Variants in DRC11 observed in about 807,000 individuals in gnomAD.
The protein encoded by DRC11 is IQ and AAA domain-containing protein 1.
chr2:236,307,948 CACAAGCGTCCTCGTGTGCTT>C, the DRC11 span, among the ~76,000 whole-genome samples: 1 of 146,106 alleles, frequency 6.8e-6, no homozygotes, highest in African/African-American at 2.8e-5. This position sits in a 1 kb window ranked among gnomAD's most constrained non-coding sequence, Gnocchi z 7.0. Context: ...CTTGCAGTGA[CACAAGCGTCCTCGTGTGCTT>C]GCAGTGACAC....
chr2:236,489,353 G>A, the DRC11 span, among the ~76,000 whole-genome samples: 2 of 145,906 alleles, frequency 1.4e-5, no homozygotes, highest in Non-Finnish European at 3.0e-5. Context: ...TGTGGGCTCC[G>A]GGTACATGCT....
At chr2:236,357,041 A>G in the DRC11 span, among the ~76,000 whole-genome samples, 2,961 of 62,638 alleles carry the variant, frequency 0.047, 368 homozygotes, top group Non-Finnish European at 0.065. Context: ...TTATATATTC[A>G]TATATTATAT....
the DRC11 span, among the ~76,000 whole-genome samples, chr2:236,361,755 C>T: frequency 6.6e-6 from 1 of 152,096 alleles, no homozygotes; most frequent in Non-Finnish European, 1.5e-5. The surrounding 1 kb of genome is among the most constrained non-coding windows in gnomAD (Gnocchi z 5.7). Flanking sequence ...AGACTGAACT[C>T]AATCATCTAA....
At chr2:236,461,022 T>C in the DRC11 span, among the ~76,000 whole-genome samples, 3 of 152,040 alleles carry the variant, frequency 2.0e-5, no homozygotes, top group African/African-American at 7.3e-5. This position sits in a 1 kb window ranked among gnomAD's most constrained non-coding sequence, Gnocchi z 4.0. Flanking sequence ...TCTCAAAGTA[T>C]AGGGATTACA....
chr2:236,439,752 T>C, the DRC11 span, among the ~76,000 whole-genome samples: 3 of 152,326 alleles, frequency 2.0e-5, no homozygotes, highest in African/African-American at 7.2e-5. Context: ...TATTCACCAA[T>C]CGTTCTGATA....
chr2:236,482,812 AC>A, the DRC11 span, among the ~76,000 whole-genome samples: 2 of 152,202 alleles, frequency 1.3e-5, no homozygotes, highest in African/African-American at 4.8e-5. This position sits in a 1 kb window ranked among gnomAD's most constrained non-coding sequence, Gnocchi z 4.5. Flanking sequence ...TGTATTTTTG[AC>A]CACTAGCTAA....
At chr2:236,375,106 C>T in the DRC11 span, among the ~76,000 whole-genome samples, 12 of 152,088 alleles carry the variant, frequency 7.9e-5, no homozygotes, top group African/African-American at 2.2e-4. This position sits in a 1 kb window ranked among gnomAD's most constrained non-coding sequence, Gnocchi z 4.2. Context: ...CCCCATGATC[C>T]GCTCACCTCC....
the DRC11 span, among the ~76,000 whole-genome samples, chr2:236,370,962 G>A: frequency 4.6e-5 from 7 of 152,154 alleles, no homozygotes; most frequent in African/African-American, 1.7e-4. The surrounding 1 kb of genome is among the most constrained non-coding windows in gnomAD (Gnocchi z 5.5). Context: ...AGATTCTAAT[G>A]ACTGTTGGGA....
the DRC11 span, among the ~76,000 whole-genome samples, chr2:236,425,414 C>A: frequency 2.6e-5 from 4 of 152,004 alleles, 1 homozygote; most frequent in African/African-American, 9.7e-5. Context: ...AGCATTTTTC[C>A]ATATACATGT....
At chr2:236,450,519 C>T in the DRC11 span, among the ~76,000 whole-genome samples, 1 of 151,778 alleles carries the variant, frequency 6.6e-6, no homozygotes, top group African/African-American at 2.4e-5. Flanking sequence ...GGGGTTTTAC[C>T]ATGTTGGTCA....
the DRC11 span, among the ~76,000 whole-genome samples, chr2:236,351,481 A>G: frequency 6.6e-6 from 1 of 152,314 alleles, no homozygotes; most frequent in South Asian, 2.1e-4. The surrounding 1 kb of genome is among the most constrained non-coding windows in gnomAD (Gnocchi z 7.3). Flanking sequence ...CATGGGGAGC[A>G]CCTGGCACTT....
chr2:236,462,554 C>T, the DRC11 span, among the ~76,000 whole-genome samples: 3 of 152,188 alleles, frequency 2.0e-5, no homozygotes, highest in African/African-American at 7.2e-5. The surrounding 1 kb of genome is among the most constrained non-coding windows in gnomAD (Gnocchi z 6.4). Context: ...ACCTGTAATC[C>T]CAGCTACTCG....
the DRC11 span, among the ~76,000 whole-genome samples, chr2:236,361,981 A>G: frequency 6.6e-6 from 1 of 152,352 alleles, no homozygotes; most frequent in Non-Finnish European, 1.5e-5. The surrounding 1 kb of genome is among the most constrained non-coding windows in gnomAD (Gnocchi z 5.7). Flanking sequence ...CAGACCAGGT[A>G]GATTTCAAGA....
At chr2:236,338,963 G>A in the DRC11 span, among the ~76,000 whole-genome samples, 2 of 152,336 alleles carry the variant, frequency 1.3e-5, no homozygotes, top group East Asian at 3.9e-4. Flanking sequence ...CAGGGAGGAC[G>A]ACTTCCAGCC....
At chr2:236,357,246 G>GTA in the DRC11 span, among the ~76,000 whole-genome samples, 3 of 103,344 alleles carry the variant, frequency 2.9e-5, no homozygotes, top group East Asian at 3.3e-4. Context: ...TATTCATATA[G>GTA]TATATATCTA....
chr2:236,357,311 CTA>C, the DRC11 span, among the ~76,000 whole-genome samples: 5 of 114,550 alleles, frequency 4.4e-5, no homozygotes, highest in African/African-American at 1.9e-4. Context: ...TCATATAGAT[CTA>C]TATATTATAT....
chr2:236,409,258 T>A, the DRC11 span, among the ~76,000 whole-genome samples: 1 of 152,162 alleles, frequency 6.6e-6, no homozygotes, highest in African/African-American at 2.4e-5. Flanking sequence ...GCACACACCA[T>A]CATGCCTGGC....
the DRC11 span, among the ~76,000 whole-genome samples, chr2:236,437,649 T>C: frequency 8.0e-5 from 12 of 150,910 alleles, no homozygotes; most frequent in African/African-American, 2.9e-4. Flanking sequence ...TGGTGTGAGA[T>C]GGTATCTCAT....
At chr2:236,318,426 T>C in the DRC11 span, among the ~76,000 whole-genome samples, 1 of 152,122 alleles carries the variant, frequency 6.6e-6, no homozygotes, top group Non-Finnish European at 1.5e-5. The surrounding 1 kb of genome is among the most constrained non-coding windows in gnomAD (Gnocchi z 7.0). Flanking sequence ...TACGTGTGCA[T>C]GCCTGTGTGT....
Sources: allele counts gnomAD v4.1 joint callset (sites outside exome capture counted in the v4.1 genomes callset), GRCh38; gene constraint gnomAD v4.1.1; non-coding constraint Gnocchi (gnomAD v3.1); transcripts MANE v1.5; gene names NCBI Gene and HGNC (gene_info 2026-07-23, HGNC 2026-07-21).